Variants in MRPS6 observed in about 807,000 individuals in gnomAD.
The protein encoded by MRPS6 is mitochondrial ribosomal protein S6, also known as small ribosomal subunit protein bS6m.
MRPS6 carries 6 observed loss-of-function variants against 13.1 expected under a neutral mutation model. The observed-to-expected ratio is 0.46, with a 90% CI of 0.25 to 0.91. The LOEUF (loss-of-function observed/expected upper bound fraction) is 0.91. MRPS6 is among the 40% of genes least tolerant of loss of function. The pLI is 0.18. For missense variants in MRPS6, 164 were observed against 155.6 expected (o/e 1.05, Z -0.29); for synonymous variants, 61 against 56.5 (o/e 1.08, Z -0.36).
chr21:34,123,930 C>G (rs1166282852), intron 1 of MRPS6: 1 of 152,170 alleles, frequency 6.6e-6, no homozygotes, highest in Admixed American at 6.5e-5. Flanking sequence ...TTTTCCTTGT[C>G]CTATTTGATG....
intron 1 of MRPS6, chr21:34,097,441 C>G: frequency 6.7e-7 from 1 of 1,502,990 alleles, no homozygotes; most frequent in Non-Finnish European, 8.9e-7. Flanking sequence ...ATCTCTCAGG[C>G]ATTGTTTACG....
At chr21:34,106,927 CTT>C (rs879395530) in intron 1 of MRPS6, among the ~76,000 whole-genome samples, 34 of 146,394 alleles carry the variant, frequency 2.3e-4, no homozygotes, top group Non-Finnish European at 4.4e-4. Flanking sequence ...ACGGTATTGA[CTT>C]TTTTTTTTTG....
At position 34,096,309 on chromosome 21, in the gene MRPS6, A is replaced by T; in HGVS notation, c.45+22564A>T. ...CCTTCGGGGTTTAATGATGGCAGTG[A>T]TGATTGCAGCTCTGATGAGTGACTT... On this transcript the variant is annotated intron_variant, in intron 1 of 2. Transcript: ENST00000399312. The surrounding 1 kb of genome is among the most constrained non-coding windows in gnomAD (Gnocchi z 5.9). 1.2e-6 allele frequency: 2 copies of T among 1,614,106 alleles called. No homozygotes were observed. Among genetic ancestry groups the T allele is most frequent in the South Asian group, 2.2e-5 (2 of 91,076 alleles).
At chr21:34,079,936 T>G (rs11910792) in intron 1 of MRPS6, among the ~76,000 whole-genome samples, 1 of 152,258 alleles carries the variant, frequency 6.6e-6, no homozygotes, top group Admixed American at 6.5e-5. Context: ...TATTTCTGTT[T>G]ATCGCTTCTC....
intron 1 of MRPS6, among the ~76,000 whole-genome samples, chr21:34,087,033 C>T (rs928464760): frequency 9.9e-5 from 15 of 152,192 alleles, no homozygotes; most frequent in African/African-American, 3.4e-4. Context: ...ACTTGAAACA[C>T]GTTCCGCAGT....
At chr21:34,129,169 G>A (rs896274491) in intron 2 of MRPS6, among the ~76,000 whole-genome samples, 2 of 152,068 alleles carry the variant, frequency 1.3e-5, no homozygotes, top group African/African-American at 2.4e-5. Flanking sequence ...ATTTAGACCC[G>A]TGCTATAAAG....
At chr21:34,113,260 A>G (rs933620407) in intron 1 of MRPS6, among the ~76,000 whole-genome samples, 7 of 152,216 alleles carry the variant, frequency 4.6e-5, no homozygotes, top group African/African-American at 1.7e-4. Flanking sequence ...TCAGCATCGA[A>G]GAGGTGTCTG....
intron 1 of MRPS6, chr21:34,122,891 T>A (rs1196281239): frequency 6.6e-6 from 1 of 152,194 alleles, no homozygotes; most frequent in African/African-American, 2.4e-5. Flanking sequence ...GCGATGTCTT[T>A]GTGAACTATA....
chr21:34,097,432 T>A, intron 1 of MRPS6: 1 of 1,504,034 alleles, frequency 6.6e-7, no homozygotes, highest in Non-Finnish European at 8.9e-7. Context: ...TAACTGTGCA[T>A]CTCTCAGGCA....
intron 1 of MRPS6, among the ~76,000 whole-genome samples, chr21:34,078,848 T>C (rs1459887778): frequency 1.3e-5 from 2 of 152,268 alleles, no homozygotes; most frequent in South Asian, 4.1e-4. Flanking sequence ...TCCTATTTAA[T>C]GTTCTTAGCT....
intron 2 of MRPS6, among the ~76,000 whole-genome samples, chr21:34,135,257 A>G (rs1469454944): frequency 1.3e-5 from 2 of 151,992 alleles, no homozygotes; most frequent in East Asian, 3.8e-4. Context: ...TCTTTGGGGT[A>G]AATACCTAGC....
At chr21:34,116,751 A>G (rs1264693893) in intron 1 of MRPS6, among the ~76,000 whole-genome samples, 1 of 152,128 alleles carries the variant, frequency 6.6e-6, no homozygotes, top group Non-Finnish European at 1.5e-5. Context: ...AATGCTGAAA[A>G]CATGGAGCAA....
At position 34,073,583 on chromosome 21, in the gene MRPS6, C is replaced by A; in HGVS notation, c.-118C>A. On this transcript the variant is annotated 5_prime_UTR_variant, in exon 1 of 3. Coordinates refer to ENST00000399312, the MANE Select transcript of MRPS6 (RefSeq NM_032476.4). ...GGCTCGCGCTCTCGGACCGTGCTTT[C>A]GCCGCCTGGGAGCCGTCCGGCGCAG... is the stretch of plus-strand genomic sequence containing the variant. 3.5e-6 allele frequency: 3 copies of A among 858,274 alleles called. No individual in the cohort carries two copies. Among genetic ancestry groups the A allele is most frequent in the African/African-American group, 1.8e-5 (1 of 55,218 alleles). The allele number at this position is 858,274 out of a possible 1,614,324, so 53.2% of individuals were successfully genotyped here.
chr21:34,092,057 A>C (rs1287795010), intron 1 of MRPS6, among the ~76,000 whole-genome samples: 2 of 152,120 alleles, frequency 1.3e-5, no homozygotes, highest in African/African-American at 4.8e-5. Context: ...TATAAAAATA[A>C]GGGAACCCTG....
chr21:34,075,091 C>T (rs1989295142), intron 1 of MRPS6, among the ~76,000 whole-genome samples: 1 of 152,212 alleles, frequency 6.6e-6, no homozygotes, highest in Admixed American at 6.5e-5. Flanking sequence ...AGGATAGGAG[C>T]AGTGAAAACA....
rs116301134 is a variant in MRPS6, at chr21:34,115,026, A to G, written c.46-10315A>G. 6.0e-3 allele frequency among the ~76,000 whole-genome samples: 919 copies of G among 152,292 alleles called. 9 individuals carry two copies. The highest frequency in any genetic ancestry group is 0.02 in the African/African-American group (849 of 41,570). On this transcript the variant is annotated intron_variant, in intron 1 of 2. Transcript: ENST00000399312. ...TTTATGACTTAAAGGCATTTTGCCTACCTTGCAGCTCAAGTTGCTTTACTC... is the reference window on the plus strand; with the variant it reads ...TTTATGACTTAAAGGCATTTTGCCTGCCTTGCAGCTCAAGTTGCTTTACTC...
chr21:34,095,250 A>G (rs775065652), intron 1 of MRPS6: 3 of 1,614,046 alleles, frequency 1.9e-6, no homozygotes, highest in Non-Finnish European at 1.7e-6. Flanking sequence ...CCTGTATTTT[A>G]TCCTGGTCAT....
chr21:34,099,487 G>C, intron 1 of MRPS6: 1 of 999,850 alleles, frequency 1.0e-6, no homozygotes, highest in Non-Finnish European at 1.2e-6. Context: ...ACATTAAGTT[G>C]TAAGAACTAA....
At chr21:34,118,104 G>A (rs1304109230) in intron 1 of MRPS6, among the ~76,000 whole-genome samples, 2 of 151,924 alleles carry the variant, frequency 1.3e-5, no homozygotes, top group African/African-American at 4.8e-5. Context: ...CACAGCATTG[G>A]TTTATTCAAA....
Sources: gnomAD v4.1 joint callset for allele counts (sites outside exome capture counted in the v4.1 genomes callset) on GRCh38, gnomAD v4.1.1 for gene constraint, Gnocchi (gnomAD v3.1) non-coding constraint, MANE v1.5 for transcripts, NCBI Gene and HGNC (gene_info 2026-07-23, HGNC 2026-07-21) for gene names.